PSD3: variants seen among roughly 807,000 people sequenced by gnomAD.
PSD3 encodes the protein pleckstrin and Sec7 domain containing 3.
In PSD3, 49 loss-of-function variants were observed where a neutral mutation model predicts 105.5. The ratio of observed to expected loss-of-function variants is 0.46; its 90% CI spans 0.37 to 0.59. PSD3 has a LOEUF of 0.59. PSD3 is among the 20% of genes least tolerant of loss of function. PSD3 has a pLI of 0.00. For missense variants in PSD3, 1,561 were observed against 1,263.8 expected (o/e 1.24, Z -3.57); for synonymous variants, 557 against 457.8 (o/e 1.22, Z -2.77).
At chr8:18,837,774 A>G (rs1020074812) in intron 4 of PSD3, among the ~76,000 whole-genome samples, 1 of 152,182 alleles carries the variant, frequency 6.6e-6, no homozygotes, top group African/African-American at 2.4e-5. Flanking sequence ...CCCCGTCCCT[A>G]TATATTTAAT....
At chr8:18,879,410 G>T (rs1817972409) in intron 2 of PSD3, among the ~76,000 whole-genome samples, 1 of 152,140 alleles carries the variant, frequency 6.6e-6, no homozygotes, top group Non-Finnish European at 1.5e-5. Flanking sequence ...GGAACAGACG[G>T]GGGGAGACAA....
chr8:18,726,870 C>T (rs1394837614), intron 9 of PSD3, among the ~76,000 whole-genome samples: 1 of 152,196 alleles, frequency 6.6e-6, no homozygotes, highest in African/African-American at 2.4e-5. Flanking sequence ...AGACAGTCCA[C>T]CATCTAGGAA....
intron 2 of PSD3, among the ~76,000 whole-genome samples, chr8:18,896,942 C>A (rs1364008905): frequency 2.0e-5 from 3 of 151,684 alleles, no homozygotes; most frequent in African/African-American, 7.3e-5. Flanking sequence ...TCCCGAGTAG[C>A]TGGGATTACA....
chr8:18,668,730 A>T (rs1276055060), intron 9 of PSD3, among the ~76,000 whole-genome samples: 1 of 152,224 alleles, frequency 6.6e-6, no homozygotes, highest in African/African-American at 2.4e-5. Context: ...TACATACTTT[A>T]AAGTCAGTAT....
intron 10 of PSD3, among the ~76,000 whole-genome samples, chr8:18,651,954 G>A (rs1450713983): frequency 6.6e-6 from 1 of 152,150 alleles, no homozygotes; most frequent in Non-Finnish European, 1.5e-5. Context: ...GGAGACAGAA[G>A]GCCTTGTTGA....
chr8:19,001,082 T>C (rs1205933746), intron 1 of PSD3: 2 of 141,684 alleles, frequency 1.4e-5, no homozygotes, highest in African/African-American at 5.2e-5. Context: ...TGCTTCCACA[T>C]GTATTATCTT....
At chr8:18,663,524 A>G (rs1468858200) in intron 9 of PSD3, among the ~76,000 whole-genome samples, 1 of 152,070 alleles carries the variant, frequency 6.6e-6, no homozygotes, top group African/African-American at 2.4e-5. Flanking sequence ...TAATGTGTGT[A>G]TGCATTCATT....
intron 15 of PSD3, 128 bp downstream of exon 15, chr8:18,556,081 G>C (rs1375177084): frequency 1.8e-6 from 2 of 1,111,454 alleles, no homozygotes; most frequent in Admixed American, 5.0e-5. Flanking sequence ...CTTGCCAGGA[G>C]CTCCCAAATT....
intron 15 of PSD3, among the ~76,000 whole-genome samples, chr8:18,554,534 G>C (rs540452608): frequency 2.2e-4 from 34 of 152,258 alleles, no homozygotes; most frequent in Non-Finnish European, 4.6e-4. Flanking sequence ...AAGAAAACTA[G>C]TACATGGAAC....
chr8:19,037,108 T>C (rs958263102), intron 1 of PSD3, among the ~76,000 whole-genome samples: 19 of 152,198 alleles, frequency 1.2e-4, no homozygotes, highest in South Asian at 4.1e-4. Flanking sequence ...AGGTAACGTA[T>C]TTGTGGTTTA....
intron 8 of PSD3, among the ~76,000 whole-genome samples, chr8:18,772,014 CATA>C (rs1445458223): frequency 1.3e-5 from 2 of 152,174 alleles, no homozygotes; most frequent in East Asian, 3.8e-4. Context: ...TTTCACTTAG[CATA>C]ATGTCCTCAA....
chr8:18,912,970 T>C (rs1820334509), intron 2 of PSD3, among the ~76,000 whole-genome samples: 1 of 151,796 alleles, frequency 6.6e-6, no homozygotes. Context: ...AGTACACTCC[T>C]AGAGCTACTT....
chr8:18,787,514 CT>C (rs2129445935), intron 8 of PSD3, among the ~76,000 whole-genome samples: 1 of 152,148 alleles, frequency 6.6e-6, no homozygotes, highest in South Asian at 2.1e-4. Flanking sequence ...AAAAAAAATT[CT>C]ATTTGGAACC....
At chr8:19,012,902 G>A (rs1219649034) in intron 1 of PSD3, among the ~76,000 whole-genome samples, 2 of 152,054 alleles carry the variant, frequency 1.3e-5, no homozygotes, top group Non-Finnish European at 2.9e-5. Context: ...TCTGCCTAGT[G>A]GGCGTTTAAC....
intron 9 of PSD3, among the ~76,000 whole-genome samples, chr8:18,726,808 G>A (rs1252960634): frequency 1.3e-5 from 2 of 152,174 alleles, no homozygotes; most frequent in African/African-American, 4.8e-5. Context: ...ACGCTTCGGG[G>A]CTCTAACTTT....
intron 8 of PSD3, among the ~76,000 whole-genome samples, chr8:18,785,943 G>C (rs921810159): frequency 2.6e-5 from 4 of 152,222 alleles, no homozygotes; most frequent in Non-Finnish European, 4.4e-5. Context: ...AAATGGCACT[G>C]ATAAGACTCG....
chr8:18,628,544 T>C (rs1235195000), intron 11 of PSD3, among the ~76,000 whole-genome samples: 2 of 151,566 alleles, frequency 1.3e-5, no homozygotes, highest in Admixed American at 6.6e-5. Flanking sequence ...TGATAAAACA[T>C]GAGAAAAATT....
chr8:19,073,021 A>G (rs1375088674), intron 1 of PSD3, among the ~76,000 whole-genome samples: 3 of 152,220 alleles, frequency 2.0e-5, no homozygotes, highest in African/African-American at 7.2e-5. Flanking sequence ...TTGGGGCTAG[A>G]TTTTATTAAA....
chr8:18,929,812 T>C (rs923405795), intron 2 of PSD3, among the ~76,000 whole-genome samples: 3 of 149,138 alleles, frequency 2.0e-5, no homozygotes, highest in Non-Finnish European at 3.0e-5. Flanking sequence ...CAGAAGATAA[T>C]CTCAGGGGGA....
Sources: allele counts gnomAD v4.1 joint callset (sites outside exome capture counted in the v4.1 genomes callset), GRCh38; gene constraint gnomAD v4.1.1; transcripts MANE v1.5; gene names NCBI Gene and HGNC (gene_info 2026-07-23, HGNC 2026-07-21).